PPM1D: variants seen among roughly 807,000 people sequenced by gnomAD.
The protein encoded by PPM1D is protein phosphatase 1D.
Under a neutral mutation model 58.3 loss-of-function variants are expected in PPM1D, and 52 were observed. That is an observed-to-expected ratio of 0.89 (90% CI 0.71 to 1.12). The LOEUF (loss-of-function observed/expected upper bound fraction) is 1.12. PPM1D is among the 50% of genes most tolerant of loss of function. The pLI is 0.00. For synonymous variants in PPM1D, 278 were observed against 285.1 expected, an observed-to-expected ratio of 0.98 and a Z score of 0.25; for missense variants, 564 against 777.2, an observed-to-expected ratio of 0.73 and a Z score of 3.26.
chr17:60,645,260 A>G (rs867724399), intron 3 of PPM1D, among the ~76,000 whole-genome samples: 1 of 152,204 alleles, frequency 6.6e-6, no homozygotes, highest in South Asian at 2.1e-4. Context: ...AGGCTGAGGC[A>G]GGAGAATCAC....
chr17:60,616,360 G>A (rs2030585095), intron 1 of PPM1D, among the ~76,000 whole-genome samples: 1 of 151,848 alleles, frequency 6.6e-6, no homozygotes, highest in African/African-American at 2.4e-5. Context: ...TGTAATCCCA[G>A]CACTTTGGGA....
Position 60,663,682 on chromosome 17 carries a change from A to G in PPM1D, c.*130A>G. On this transcript the variant is annotated 3_prime_UTR_variant, in exon 6 of 6. Transcript: ENST00000305921. The stretch of plus-strand genomic sequence containing the variant: ...TATACAGTTTGACTTTTTGGAATTC[A>G]GCAGTTTTATCCTGGCCTTGTACTT... 4.9e-6 allele frequency: 5 copies of G among 1,016,562 alleles called. No homozygotes were observed. The highest frequency in any genetic ancestry group is 7.0e-6 in the Non-Finnish European group (5 of 717,658). 63.0% of individuals were successfully genotyped at this position (1,016,562 alleles called of 1,614,324 possible).
chr17:60,600,340 G>C lies in PPM1D; in HGVS notation c.-75G>C. 1 of 1,511,742 alleles carries C rather than the reference G, an allele frequency of 6.6e-7. No homozygotes were observed. Among genetic ancestry groups the C allele is most frequent in the Non-Finnish European group, 8.8e-7 (1 of 1,133,690 alleles). 93.6% of individuals were successfully genotyped at this position (1,511,742 alleles called of 1,614,324 possible). A position where few individuals can be genotyped will look rare whatever the true frequency, so the allele number is the denominator to read the frequency against. Reference sequence around the variant, plus strand: ...GTCGAAGATAAACAATAGTTGGCCGGCGAGCGCCTAGTGTGTCTCCCGCCG... The same window carrying C: ...GTCGAAGATAAACAATAGTTGGCCGCCGAGCGCCTAGTGTGTCTCCCGCCG... On this transcript the variant is annotated 5_prime_UTR_variant, in exon 1 of 6. Coordinates refer to ENST00000305921, the MANE Select transcript of PPM1D (RefSeq NM_003620.4).
chr17:60,605,377 A>G (rs1405011651), intron 1 of PPM1D, among the ~76,000 whole-genome samples: 1 of 152,228 alleles, frequency 6.6e-6, no homozygotes, highest in African/African-American at 2.4e-5. Flanking sequence ...CTAGTCTGCT[A>G]TAGTATCTGC....
Position 60,600,603 on chromosome 17 carries a change from C to A in PPM1D, c.189C>A (p.Val63=). 6.4e-7 allele frequency: 1 copy of A among 1,559,954 alleles called. No individual in the cohort carries two copies. The highest frequency in any genetic ancestry group is 8.7e-7 in the Non-Finnish European group (1 of 1,153,650). ...PSPAALPGGE[V]SGKGPAVAAR... ...CGGCCGCCCTTCCCGGCGGCGAAGT[C>A]TCGGGGAAAGGCCCAGCGGTGGCAG... Residue 63 remains valine, a synonymous_variant, in exon 1 of 6, where the codon GTC becomes GTA. Coordinates refer to ENST00000305921, the MANE Select transcript of PPM1D (RefSeq NM_003620.4).
intron 4 of PPM1D, among the ~76,000 whole-genome samples, chr17:60,651,844 C>T (rs570515704): frequency 6.6e-6 from 1 of 152,204 alleles, no homozygotes; most frequent in South Asian, 2.1e-4. Context: ...TAAAACCCCT[C>T]AAAGTAGGAG....
chr17:60,619,268 CTTTA>C (rs1226812540), intron 1 of PPM1D, among the ~76,000 whole-genome samples: 10 of 144,266 alleles, frequency 6.9e-5, no homozygotes, highest in Admixed American at 4.2e-4. Context: ...CATACATTTT[CTTTA>C]TTTATTTATC....
chr17:60,623,522 G>A lies in PPM1D; in HGVS notation c.474G>A (p.Ala158=), dbSNP rs766503109. The change falls in exon 2 of 6, where the codon GCG becomes GCA. Residue 158 remains alanine, a splice_region_variant and synonymous_variant. Transcript: ENST00000305921. ...GAAATATTTTATTTCTTATTACAGC[G>A]GAATGGCCAAAGACTATGACGGGTC... ...ACHLAMWKKL[A]EWPKTMTGLP... The A allele has an allele frequency of 3.6e-5, 57 of 1,603,688 alleles. No homozygotes were observed. In the Middle Eastern group the frequency reaches 6.6e-4, roughly 19 times the overall value.
chr17:60,612,172 A>G (rs778059844), intron 1 of PPM1D, among the ~76,000 whole-genome samples: 7 of 152,186 alleles, frequency 4.6e-5, no homozygotes, highest in African/African-American at 7.2e-5. Flanking sequence ...ATAAACATCT[A>G]TCACGCCCAA....
At chr17:60,628,636 A>G (rs2030858914) in intron 2 of PPM1D, among the ~76,000 whole-genome samples, 1 of 152,142 alleles carries the variant, frequency 6.6e-6, no homozygotes, top group Admixed American at 6.6e-5. Context: ...TTTTTAATAT[A>G]TGCATTTATT....
chr17:60,608,968 C>T (rs568580878), intron 1 of PPM1D, among the ~76,000 whole-genome samples: 5 of 151,654 alleles, frequency 3.3e-5, no homozygotes, highest in South Asian at 2.1e-4. Flanking sequence ...AGGATGGTCT[C>T]GATCTCCTGA....
Position 60,619,983 on chromosome 17 carries a change from GTTTGT to G in PPM1D, c.473-3508_473-3504del, listed in dbSNP as rs374505300. On this transcript the variant is annotated intron_variant, in intron 1 of 5. Transcript: ENST00000305921. The stretch of plus-strand genomic sequence containing the variant: ...ATTTGCCCAGTTTTTTTTTGTTTTT[GTTTGT>G]TTTGTTTTGTTTTGTTTTGTTTTGT... 3.7e-3 allele frequency among the ~76,000 whole-genome samples: 556 copies of G among 149,536 alleles called. 3 individuals are homozygous for G. The highest frequency in any genetic ancestry group is 7.1e-3 in the Middle Eastern group (2 of 282).
At position 60,600,710 on chromosome 17, in the gene PPM1D, C is replaced by G. The variant is rs577505804; in HGVS notation, c.296C>G (p.Ala99Gly). Residue 99 changes from alanine to glycine, a missense_variant, in exon 1 of 6, where the codon GCC becomes GGC. Physicochemically the swap from Ala to Gly is moderately conservative, Grantham distance 60. Transcript: ENST00000305921. ...SRCCRRRSSVAFFAVCDGHGG... is the reference protein window; with the variant it reads ...SRCCRRRSSVGFFAVCDGHGG... ...TGCTGCCGCCGCCGTTCCTCCGTGG[C>G]CTTTTTCGCCGTGTGCGACGGGCAC... is the stretch of plus-strand genomic sequence containing the variant. 7.5e-6 allele frequency: 12 copies of G among 1,607,700 alleles called. No individual in the cohort carries two copies. In the South Asian group the frequency reaches 1.2e-4, roughly 16 times the overall value.
At chr17:60,610,546 C>T (rs1266080414) in intron 1 of PPM1D, among the ~76,000 whole-genome samples, 1 of 152,140 alleles carries the variant, frequency 6.6e-6, no homozygotes, top group Non-Finnish European at 1.5e-5. Flanking sequence ...CTGAGGGGTT[C>T]TCTGAGAGCC....
intron 1 of PPM1D, among the ~76,000 whole-genome samples, chr17:60,615,384 C>T (rs950850661): frequency 5.3e-5 from 8 of 151,748 alleles, no homozygotes; most frequent in Admixed American, 1.3e-4. Context: ...CATTGCAGCC[C>T]GGGTGACAGA....
rs369464376 is a variant in PPM1D at position 60,603,699 on chromosome 17, G to A, written c.472+2813G>A. On this transcript the variant is annotated intron_variant, in intron 1 of 5. Coordinates refer to ENST00000305921, the MANE Select transcript of PPM1D (RefSeq NM_003620.4). Reference sequence around the variant, plus strand: ...GAATTGCTTGAACCCGCGAGGCGGAGGTTGCAGTGAGCTGGGATTGGGCCA... The same window carrying A: ...GAATTGCTTGAACCCGCGAGGCGGAAGTTGCAGTGAGCTGGGATTGGGCCA... Among the ~76,000 whole-genome samples, 5 of 152,154 alleles carry A rather than the reference G, an allele frequency of 3.3e-5. No homozygotes were observed. In the East Asian group the frequency reaches 9.6e-4, roughly 29 times the overall value.
intron 1 of PPM1D, among the ~76,000 whole-genome samples, chr17:60,622,988 T>G (rs977925062): frequency 6.6e-6 from 1 of 152,054 alleles, no homozygotes; most frequent in Non-Finnish European, 1.5e-5. Flanking sequence ...TACCAGCTAC[T>G]CGAGAGGCTG....
At chr17:60,656,209 A>C (rs1341692207) in intron 4 of PPM1D, among the ~76,000 whole-genome samples, 3 of 151,784 alleles carry the variant, frequency 2.0e-5, no homozygotes, top group African/African-American at 7.3e-5. Flanking sequence ...TAATCCCAGC[A>C]CTTTGGGAGG....
Position 60,656,842 on chromosome 17 carries a change from G to T in PPM1D, c.1260+1G>T. On this transcript the variant is annotated splice_donor_variant, in intron 5 of 5. Transcript: ENST00000305921. LOFTEE classifies it high-confidence loss of function. ...CCCATGTTCTACACCACCAGTCAAG[G>T]TATATAGTTCCATAGTTTTTAAGTT... The T allele has an allele frequency of 6.2e-7, 1 of 1,613,974 alleles. No homozygotes were observed.
Sources: allele counts gnomAD v4.1 joint callset (sites outside exome capture counted in the v4.1 genomes callset), GRCh38; gene constraint gnomAD v4.1.1; transcripts MANE v1.5; gene names NCBI Gene and HGNC (gene_info 2026-07-23, HGNC 2026-07-21).